MSL1: variants seen among roughly 807,000 people sequenced by gnomAD.
The protein encoded by MSL1 is male-specific lethal 1 homolog.
In MSL1, 21 loss-of-function variants were observed where a neutral mutation model predicts 64.6. The ratio of observed to expected loss-of-function variants is 0.33; its 90% CI spans 0.23 to 0.47. The LOEUF (loss-of-function observed/expected upper bound fraction) is 0.47. Ranked by LOEUF, MSL1 falls within the 20% of genes least tolerant of loss-of-function variation. The probability of loss-of-function intolerance (pLI) is 1.00; values close to 1 mark genes in which losing one functional copy is unlikely to be tolerated. For missense variants in MSL1, 664 were observed against 793.2 expected (o/e 0.84, Z 1.96); for synonymous variants, 339 against 329.6 (o/e 1.03, Z -0.31).
At chr17:40,123,559 G>A (rs1988243908) in intron 1 of MSL1, among the ~76,000 whole-genome samples, 179 bp downstream of exon 1, 1 of 152,030 alleles carries the variant, frequency 6.6e-6, no homozygotes, top group Non-Finnish European at 1.5e-5. Context: ...CGTTGGGTTG[G>A]AGGGAAGGGT....
intron 2 of MSL1, among the ~76,000 whole-genome samples, chr17:40,128,281 AAG>A (rs920626534): frequency 3.3e-5 from 5 of 152,030 alleles, no homozygotes; most frequent in African/African-American, 1.2e-4. Flanking sequence ...GGGAAAAGGA[AAG>A]AGACTGATCT....
chr17:40,131,495 T>C lies in MSL1; in HGVS notation c.1376-42T>C, dbSNP rs1988435850. The C allele has an allele frequency of 2.5e-6, 4 of 1,598,238 alleles. No homozygotes were observed. The highest frequency in any genetic ancestry group is 3.4e-6 in the Non-Finnish European group (4 of 1,166,642). The stretch of plus-strand genomic sequence containing the variant: ...CTCCATTTGGGGTATGGGCTTTTTT[T>C]CTTTTTACACTGAGATTATTCTTCT... On this transcript the variant is annotated intron_variant, in intron 3 of 8. Coordinates refer to ENST00000398532, the MANE Select transcript of MSL1 (RefSeq NM_001365919.1). The surrounding 1 kb of genome is among the most constrained non-coding windows in gnomAD (Gnocchi z 4.5).
At chr17:40,125,358 C>A (rs1988289901) in intron 1 of MSL1, among the ~76,000 whole-genome samples, 1 of 151,988 alleles carries the variant, frequency 6.6e-6, no homozygotes, top group African/African-American at 2.4e-5. Flanking sequence ...TTAAAAGTAC[C>A]CCCTCCCACA....
Position 40,132,222 on chromosome 17 carries a change from G to T in MSL1, c.1488+124G>T, listed in dbSNP as rs993284547. 42 of 657,380 alleles carry T rather than the reference G, an allele frequency of 6.4e-5. No individual in the cohort carries two copies. In the African/African-American group the frequency reaches 7.1e-4, roughly 11 times the overall value. The allele number at this position is 657,380 out of a possible 1,614,324, so 40.7% of individuals were successfully genotyped here. A position where few individuals can be genotyped will look rare whatever the true frequency, so the allele number is the denominator to read the frequency against. On this transcript the variant is annotated intron_variant, in intron 5 of 8. Coordinates refer to ENST00000398532, the MANE Select transcript of MSL1 (RefSeq NM_001365919.1). ...ATTTTAAGGCCAGACAGAAACTTGA[G>T]AAATTATCTAGTCCAGCTCCTTCAT...
intron 6 of MSL1, 195 bp downstream of exon 6, chr17:40,133,304 T>C (rs1446065933): frequency 3.5e-5 from 26 of 745,268 alleles, no homozygotes; most frequent in Non-Finnish European, 5.4e-5. Context: ...TTGGCCTCTT[T>C]TTGTGTATGA....
In MSL1 at chr17:40,134,309, T is replaced by A. The variant is rs1466030087; in HGVS notation, c.1785T>A (p.Arg595=). The A allele has an allele frequency of 3.2e-6, 5 of 1,557,416 alleles. No individual in the cohort carries two copies. In the Admixed American group the frequency reaches 7.8e-5, roughly 24 times the overall value. ...TTGAGCTACCCTGGTTGGATGAGCG[T>A]AGCCGATGCAGATTGGAGATCCAGA... is the stretch of plus-strand genomic sequence containing the variant. The part of the protein sequence containing the change: ...QNFELPWLDE[R]SRCRLEIQKK... The change falls in exon 9 of 9, where the codon CGT becomes CGA. Residue 595 remains arginine, a synonymous_variant. Transcript: ENST00000398532.
chr17:40,131,331 TAA>T lies in MSL1; in HGVS notation c.1376-196_1376-195del, dbSNP rs879857425. 367 of 413,370 alleles carry T rather than the reference TAA, an allele frequency of 8.9e-4. No individual in the cohort carries two copies. Among genetic ancestry groups the T allele is most frequent in the South Asian group, 1.5e-3 (43 of 28,038 alleles). 25.6% of individuals were successfully genotyped at this position (413,370 alleles called of 1,614,324 possible). On this transcript the variant is annotated intron_variant, in intron 3 of 8. Coordinates refer to ENST00000398532, the MANE Select transcript of MSL1 (RefSeq NM_001365919.1). This position sits in a 1 kb window ranked among gnomAD's most constrained non-coding sequence, Gnocchi z 4.5. ...ATGAAGAAAAGAAGTCGTCTCAGTG[TAA>T]AAAAAAAAAGTGGTGGGCTTATTTT...
intron 6 of MSL1, 165 bp downstream of exon 6, chr17:40,133,274 A>T (rs529441828): frequency 1.3e-6 from 1 of 757,560 alleles, no homozygotes; most frequent in Non-Finnish European, 2.1e-6. Flanking sequence ...TGGAAATGGT[A>T]GTTGTTGCGG....
At position 40,122,882 on chromosome 17, in the gene MSL1, G is replaced by A. The variant is rs752136165; in HGVS notation, c.270G>A (p.Gly90=). Residue 90 remains glycine (G), a synonymous_variant, in exon 1 of 9, where the codon GGG becomes GGA. Transcript: ENST00000398532. This position sits in a 1 kb window ranked among gnomAD's most constrained non-coding sequence, Gnocchi z 4.2. Reference sequence around the variant, plus strand: ...TACTCCCGGCCGGGGCGGCCCCCGGGCAGCAGGAAGAGAGCTGGGGCGGTT... The same window carrying A: ...TACTCCCGGCCGGGGCGGCCCCCGGACAGCAGGAAGAGAGCTGGGGCGGTT... ...GLLLPAGAAP[G]QQEESWGGSV... The A allele has an allele frequency of 1.4e-6, 2 of 1,408,844 alleles. No homozygotes were observed. Among genetic ancestry groups the A allele is most frequent in the African/African-American group, 3.0e-5 (2 of 65,912 alleles). 87.3% of individuals were successfully genotyped at this position (1,408,844 alleles called of 1,614,324 possible).
At chr17:40,133,155 CTAGGACA>C in intron 6 of MSL1, 46 bp downstream of exon 6, 1 of 1,538,594 alleles carries the variant, frequency 6.5e-7, no homozygotes, top group Non-Finnish European at 8.9e-7. Flanking sequence ...GCCCTAGGAC[CTAGGACA>C]GAGTATCAGG....
In MSL1 at chr17:40,131,219, G is replaced by A. The variant is rs1988431643; in HGVS notation, c.1376-318G>A. 1 of 230,262 alleles carries A rather than the reference G, an allele frequency of 4.3e-6. No homozygotes were observed. Among genetic ancestry groups the A allele is most frequent in the Non-Finnish European group, 8.7e-6 (1 of 114,468 alleles). 14.3% of individuals were successfully genotyped at this position (230,262 alleles called of 1,614,324 possible). On this transcript the variant is annotated intron_variant, in intron 3 of 8. Transcript: ENST00000398532. The surrounding 1 kb of genome is among the most constrained non-coding windows in gnomAD (Gnocchi z 4.5). ...ACACTGATCTTTTATTTGAAAAATA[G>A]GGTCAACTTTTACTCACCTGCCATG... is the stretch of plus-strand genomic sequence containing the variant.
At chr17:40,134,162 C>A in intron 8 of MSL1, 117 bp from the exon 9 acceptor site, 1 of 855,146 alleles carries the variant, frequency 1.2e-6, no homozygotes, top group Non-Finnish European at 1.9e-6. Flanking sequence ...AAAGACACTC[C>A]AAACTAGTCA....
intron 6 of MSL1, 71 bp downstream of exon 6, chr17:40,133,180 A>T: frequency 2.2e-6 from 3 of 1,376,970 alleles, no homozygotes; most frequent in Non-Finnish European, 3.0e-6. Flanking sequence ...AGGGAACCTG[A>T]CCTCCCTTTT....
chr17:40,129,670 G>C, intron 3 of MSL1, 43 bp downstream of exon 3: 1 of 1,490,424 alleles, frequency 6.7e-7, no homozygotes, highest in East Asian at 2.4e-5. Flanking sequence ...TAGTGGTGGC[G>C]GTCAAGCTAA....
At position 40,126,419 on chromosome 17, in the gene MSL1, CTTTG is replaced by C. The variant is rs1371650421; in HGVS notation, c.992+18_992+21del. 3 of 1,610,290 alleles carry C rather than the reference CTTTG, an allele frequency of 1.9e-6. No homozygotes were observed. Among genetic ancestry groups the C allele is most frequent in the African/African-American group, 2.7e-5 (2 of 74,802 alleles). On this transcript the variant is annotated intron_variant, in intron 2 of 8. Transcript: ENST00000398532. ...AGGGACATAAAAGGTGTGCTGATAACTTTGTTTGATGAGGACCCTTGTTACCAGT... is the reference window on the plus strand; with the variant it reads ...AGGGACATAAAAGGTGTGCTGATAACTTTGATGAGGACCCTTGTTACCAGT...
intron 3 of MSL1, 38 bp downstream of exon 3, chr17:40,129,665 G>T: frequency 6.6e-6 from 10 of 1,504,158 alleles, no homozygotes; most frequent in Non-Finnish European, 8.9e-6. Flanking sequence ...TACCCTAGTG[G>T]TGGCGGTCAA....
Position 40,136,817 on chromosome 17 carries a change from T to TA in MSL1, c.*2449dup, listed in dbSNP as rs1448362217. ...TTTGAACTTCTGCTTCAATTTATTA[T>TA]ATTTATTGGCAAACAAACAATTCTG... On this transcript the variant is annotated 3_prime_UTR_variant, in exon 9 of 9. Transcript: ENST00000398532. 6.6e-6 allele frequency: 1 copy of TA among 152,386 alleles called. No homozygotes were observed. The highest frequency in any genetic ancestry group is 1.9e-4 in the East Asian group (1 of 5,342). 9.4% of individuals were successfully genotyped at this position (152,386 alleles called of 1,614,324 possible).
intron 5 of MSL1, among the ~76,000 whole-genome samples, chr17:40,132,633 TCA>T (rs200943659): frequency 6.6e-6 from 1 of 152,008 alleles, no homozygotes; most frequent in Admixed American, 6.6e-5. Flanking sequence ...AGTGACTCCA[TCA>T]CACACACACA....
Position 40,122,780 on chromosome 17 carries a change from G to T in MSL1, c.168G>T (p.Gly56=). ...LPRHRKLKEP[G]PPLASSQGGS... Reference sequence around the variant, plus strand: ...GGCACCGTAAGCTCAAGGAGCCGGGGCCCCCGCTGGCCTCCTCCCAGGGCG... The same window carrying T: ...GGCACCGTAAGCTCAAGGAGCCGGGTCCCCCGCTGGCCTCCTCCCAGGGCG... The change falls in exon 1 of 9, where the codon GGG becomes GGT. Residue 56 remains glycine, a synonymous_variant. Transcript: ENST00000398532. This position sits in a 1 kb window ranked among gnomAD's most constrained non-coding sequence, Gnocchi z 4.2. The T allele has an allele frequency of 7.3e-7, 1 of 1,377,318 alleles. No individual in the cohort carries two copies. The highest frequency in any genetic ancestry group is 9.3e-7 in the Non-Finnish European group (1 of 1,074,676). 85.3% of individuals were successfully genotyped at this position (1,377,318 alleles called of 1,614,324 possible). A position where few individuals can be genotyped will look rare whatever the true frequency, so the allele number is the denominator to read the frequency against.
Sources: allele counts gnomAD v4.1 joint callset (sites outside exome capture counted in the v4.1 genomes callset), GRCh38; gene constraint gnomAD v4.1.1; non-coding constraint Gnocchi (gnomAD v3.1); transcripts MANE v1.5; gene names NCBI Gene and HGNC (gene_info 2026-07-23, HGNC 2026-07-21).